Variants in PACRG observed in about 807,000 individuals in gnomAD.
PACRG encodes parkin coregulated gene protein.
PACRG carries 29 observed loss-of-function variants against 29.7 expected under a neutral mutation model. That is an observed-to-expected ratio of 0.98 (90% CI 0.73 to 1.33). The LOEUF (loss-of-function observed/expected upper bound fraction) is 1.33, where lower values mean the gene tolerates loss of function less well. PACRG is among the 40% of genes most tolerant of loss of function. The pLI is 0.00. For missense variants in PACRG, 279 were observed against 316.2 expected (o/e 0.88, Z 0.89); for synonymous variants, 116 against 118.7 (o/e 0.98, Z 0.15).
intron 4 of PACRG, among the ~76,000 whole-genome samples, chr6:163,100,292 G>A (rs1360247558): frequency 6.6e-6 from 1 of 152,122 alleles, no homozygotes; most frequent in African/African-American, 2.4e-5. Flanking sequence ...CCCCACCCGT[G>A]CACGCTCACC....
chr6:163,177,710 A>ATTTTTTTTTTTTTTTTTTTTTT lies in PACRG; in HGVS notation c.613+88308_613+88329dup, dbSNP rs398003265. ...TGTTAGCTAAGAAATTAGAAAAGGG[A>ATTTTTTTTTTTTTTTTTTTTTT]TTTTTTTTTTTTTTTTTTTTTTTTT... is the stretch of plus-strand genomic sequence containing the variant. On this transcript the variant is annotated intron_variant, in intron 4 of 4. Transcript: ENST00000366888. Among the ~76,000 whole-genome samples, 26 of 53,744 alleles carry ATTTTTTTTTTTTTTTTTTTTTT rather than the reference A, an allele frequency of 4.8e-4. 8 individuals carry two copies. The highest frequency in any genetic ancestry group is 1.2e-3 in the South Asian group (1 of 834). The allele number at this position is 53,744 out of a possible 152,430, so 35.3% of individuals were successfully genotyped here.
chr6:163,053,762 T>G (rs1810269447), intron 2 of PACRG, among the ~76,000 whole-genome samples: 2 of 152,208 alleles, frequency 1.3e-5, no homozygotes, highest in South Asian at 4.1e-4. Flanking sequence ...GAGTCAGTGT[T>G]AAACAGCCGA....
intron 4 of PACRG, among the ~76,000 whole-genome samples, chr6:163,171,794 A>G (rs1779098848): frequency 6.6e-6 from 1 of 152,184 alleles, no homozygotes; most frequent in Admixed American, 6.5e-5. Context: ...GCATGAGCCC[A>G]TGGGTCGGGA....
At chr6:163,223,590 A>G (rs1443205715) in intron 4 of PACRG, among the ~76,000 whole-genome samples, 1 of 152,208 alleles carries the variant, frequency 6.6e-6, no homozygotes, top group African/African-American at 2.4e-5. Context: ...TGTAATGCAC[A>G]GGAAAAAGTA....
At chr6:162,787,582 G>GTGTGTATATATATATATATA (rs1198197561) in intron 1 of PACRG, among the ~76,000 whole-genome samples, 1 of 62,412 alleles carries the variant, frequency 1.6e-5, no homozygotes, top group Non-Finnish European at 3.0e-5. Flanking sequence ...GTGTGTGTGT[G>GTGTGTATATATATATATATA]TATATATATA....
chr6:163,230,749 T>A, intron 4 of PACRG, among the ~76,000 whole-genome samples: 1 of 152,114 alleles, frequency 6.6e-6, no homozygotes, highest in Non-Finnish European at 1.5e-5. Flanking sequence ...CGCAGGATGG[T>A]GTGTAATGCC....
In PACRG at chr6:163,062,015, G is replaced by A. The variant is rs756485818; in HGVS notation, c.292-135G>A. 96 of 787,384 alleles carry A rather than the reference G, an allele frequency of 1.2e-4. 1 individual carries two copies. The highest frequency in any genetic ancestry group is 1.2e-3 in the South Asian group (65 of 56,432). 48.8% of individuals were successfully genotyped at this position (787,384 alleles called of 1,614,324 possible). A position where few individuals can be genotyped will look rare whatever the true frequency, so the allele number is the denominator to read the frequency against. ...TGATGACATACTTCAGGTCATTAGG[G>A]GGATGGGTTAAGGAAGTCTTCCTGA... On this transcript the variant is annotated intron_variant, in intron 2 of 4. Transcript: ENST00000366888.
chr6:163,166,999 C>G (rs1260082716), intron 4 of PACRG, among the ~76,000 whole-genome samples: 1 of 152,204 alleles, frequency 6.6e-6, no homozygotes, highest in African/African-American at 2.4e-5. Flanking sequence ...TTCAGATCAT[C>G]TTTTCCAACA....
intron 2 of PACRG, among the ~76,000 whole-genome samples, chr6:162,990,525 A>C (rs1460895984): frequency 3.8e-5 from 5 of 132,648 alleles, no homozygotes; most frequent in Admixed American, 3.0e-4. Context: ...TTTTGGCTGC[A>C]TAAATGTCTT....
intron 4 of PACRG, among the ~76,000 whole-genome samples, chr6:163,167,375 C>A (rs1162855214): frequency 1.3e-5 from 2 of 152,160 alleles, no homozygotes; most frequent in African/African-American, 4.8e-5. Flanking sequence ...AGGGTCGCAG[C>A]TTAATCACTG....
At position 162,733,833 on chromosome 6, in the gene PACRG, T is replaced by C. The variant is rs569802206; in HGVS notation, c.156+5442T>C. Among the ~76,000 whole-genome samples the C allele has an allele frequency of 3.3e-5, 5 of 152,336 alleles. No homozygotes were observed. In the South Asian group the frequency reaches 1.0e-3, roughly 32 times the overall value. On this transcript the variant is annotated intron_variant, in intron 1 of 4. Transcript: ENST00000366888. ...TTAGTGAGCCTCTTCCTGACCACTCTATTTTAAACTTCAGACCCTTAACAA... is the reference window on the plus strand; with the variant it reads ...TTAGTGAGCCTCTTCCTGACCACTCCATTTTAAACTTCAGACCCTTAACAA...
intron 4 of PACRG, among the ~76,000 whole-genome samples, chr6:163,278,998 A>G (rs745373192): frequency 1.2e-4 from 19 of 152,062 alleles, no homozygotes; most frequent in Non-Finnish European, 2.6e-4. Context: ...TTTGTCATCT[A>G]TGATTTCTTT....
At chr6:162,759,173 C>T (rs1332485678) in intron 1 of PACRG, among the ~76,000 whole-genome samples, 2 of 152,206 alleles carry the variant, frequency 1.3e-5, no homozygotes, top group African/African-American at 4.8e-5. Flanking sequence ...ATTTACAATT[C>T]ATCTTGTTTA....
intron 4 of PACRG, among the ~76,000 whole-genome samples, chr6:163,240,086 ACACT>A (rs140140212): frequency 0.27 from 40,202 of 150,808 alleles, 5,742 homozygotes; most frequent in Middle Eastern, 0.35. Context: ...CCCCCCACAC[ACACT>A]CACACACACA....
intron 2 of PACRG, among the ~76,000 whole-genome samples, chr6:162,870,190 T>C (rs1792679561): frequency 6.6e-6 from 1 of 152,222 alleles, no homozygotes; most frequent in African/African-American, 2.4e-5. Context: ...TTCACAGATG[T>C]ATTTTTCACA....
intron 2 of PACRG, among the ~76,000 whole-genome samples, chr6:162,994,236 C>G (rs1004218286): frequency 7.1e-6 from 1 of 140,302 alleles, no homozygotes; most frequent in Non-Finnish European, 1.5e-5. Flanking sequence ...TTGCTCTTCT[C>G]GAGGAGTATC....
At chr6:163,164,078 T>A (rs1296937349) in intron 4 of PACRG, among the ~76,000 whole-genome samples, 1 of 151,806 alleles carries the variant, frequency 6.6e-6, no homozygotes, top group East Asian at 1.9e-4. Flanking sequence ...TTCTACAAAG[T>A]TCCACATTTA....
intron 2 of PACRG, among the ~76,000 whole-genome samples, chr6:162,857,250 G>T (rs887412970): frequency 2.6e-5 from 4 of 152,158 alleles, no homozygotes; most frequent in Non-Finnish European, 5.9e-5. Context: ...TTTGTTCCTT[G>T]TGTCCTTGGC....
At position 163,159,726 on chromosome 6, in the gene PACRG, T is replaced by C. The variant is rs146393851; in HGVS notation, c.613+70318T>C. Among the ~76,000 whole-genome samples the C allele has an allele frequency of 4.3e-3, 661 of 152,288 alleles. 2 individuals are homozygous for C. The highest frequency in any genetic ancestry group is 7.5e-3 in the Non-Finnish European group (508 of 68,010). ...CTTCTGCTTTGATAAGGGTGTCGAG[T>C]GTTCTCTCGGTCATTTCAGCAATAG... On this transcript the variant is annotated intron_variant, in intron 4 of 4. Coordinates refer to ENST00000366888, the MANE Select transcript of PACRG (RefSeq NM_001080379.2).
Sources: gnomAD v4.1 joint callset for allele counts (sites outside exome capture counted in the v4.1 genomes callset) on GRCh38, gnomAD v4.1.1 for gene constraint, MANE v1.5 for transcripts, NCBI Gene and HGNC (gene_info 2026-07-23, HGNC 2026-07-21) for gene names.